Variants in DPP6 observed in about 807,000 individuals in gnomAD.
DPP6 encodes dipeptidyl peptidase like 6.
Under a neutral mutation model 122.6 loss-of-function variants are expected in DPP6, and 69 were observed. The ratio of observed to expected loss-of-function variants is 0.56; its 90% CI spans 0.46 to 0.69. DPP6 has a LOEUF of 0.69. Among genes scored for constraint, DPP6 ranks in the 30% least tolerant of loss-of-function variants. The pLI is 0.00. For synonymous variants in DPP6, 418 were observed against 433.1 expected, an observed-to-expected ratio of 0.97 and a Z score of 0.43; for missense variants, 928 against 1,116.9, an observed-to-expected ratio of 0.83 and a Z score of 2.41.
chr7:154,713,228 C>A (rs1244688599), intron 7 of DPP6, among the ~76,000 whole-genome samples: 1 of 152,232 alleles, frequency 6.6e-6, no homozygotes, highest in African/African-American at 2.4e-5. Flanking sequence ...CAGGGTACAG[C>A]CTACCTCCCA....
chr7:154,374,981 A>G (rs948862518), intron 1 of DPP6, among the ~76,000 whole-genome samples: 3 of 152,166 alleles, frequency 2.0e-5, no homozygotes, highest in African/African-American at 7.2e-5. Context: ...GACACTTTGA[A>G]GGCGCTGTAT....
At chr7:154,878,369 C>T (rs2150663070) in intron 20 of DPP6, among the ~76,000 whole-genome samples, 1 of 152,334 alleles carries the variant, frequency 6.6e-6, no homozygotes, top group East Asian at 1.9e-4. Flanking sequence ...AATGCCAACT[C>T]CTAAACCACC....
At position 154,879,385 on chromosome 7, in the gene DPP6, C is replaced by G. The variant is rs1805158579; in HGVS notation, c.2079-1503C>G. Among the ~76,000 whole-genome samples the G allele has an allele frequency of 7.7e-5, 10 of 129,266 alleles. 1 individual carries two copies. Among genetic ancestry groups the G allele is most frequent in the Middle Eastern group, 4.0e-3 (1 of 250 alleles). The allele number at this position is 129,266 out of a possible 152,430, so 84.8% of individuals were successfully genotyped here. ...CACGAGGTCAGGAGATCGAGACCAT[C>G]CTGGCTAACACGGTGAAACCCCGTC... On this transcript the variant is annotated intron_variant, in intron 20 of 25. Coordinates refer to ENST00000377770, the MANE Select transcript of DPP6 (RefSeq NM_130797.4).
chr7:153,859,263 A>C, the DPP6 span, among the ~76,000 whole-genome samples: 6 of 152,086 alleles, frequency 3.9e-5, no homozygotes, highest in Non-Finnish European at 7.4e-5. Flanking sequence ...GAAGAGGCAC[A>C]CTCATTTCAA....
At chr7:153,958,866 T>TA (rs1371379708) in intron 1 of DPP6, among the ~76,000 whole-genome samples, 3 of 151,642 alleles carry the variant, frequency 2.0e-5, no homozygotes, top group African/African-American at 7.3e-5. Flanking sequence ...ACACAGACAT[T>TA]AAAAAAACCC....
At chr7:153,808,539 T>A in the DPP6 span, among the ~76,000 whole-genome samples, 1 of 152,024 alleles carries the variant, frequency 6.6e-6, no homozygotes, top group African/African-American at 2.4e-5. Context: ...CTGCAGAGCT[T>A]ATTCAGCTTC....
intron 8 of DPP6, among the ~76,000 whole-genome samples, chr7:154,733,897 T>G (rs982541228): frequency 1.3e-5 from 2 of 152,212 alleles, no homozygotes; most frequent in Non-Finnish European, 2.9e-5. Context: ...CATATTGGCT[T>G]TAATTTACAT....
chr7:154,600,802 C>A lies in DPP6; in HGVS notation c.627+33886C>A, dbSNP rs931957896. Reference sequence around the variant, plus strand: ...AAAGTACAGATGGCATTACTTAAAACCACTTGCAGCCAGGCGCAGTGGCTC... The same window carrying A: ...AAAGTACAGATGGCATTACTTAAAAACACTTGCAGCCAGGCGCAGTGGCTC... On this transcript the variant is annotated intron_variant, in intron 5 of 25. Coordinates refer to ENST00000377770, the MANE Select transcript of DPP6 (RefSeq NM_130797.4). 3.3e-5 allele frequency among the ~76,000 whole-genome samples: 4 copies of A among 120,946 alleles called. 2 individuals carry two copies. The highest frequency in any genetic ancestry group is 8.4e-3 in the Middle Eastern group (2 of 238). The allele number at this position is 120,946 out of a possible 152,430, so 79.3% of individuals were successfully genotyped here. A position where few individuals can be genotyped will look rare whatever the true frequency, so the allele number is the denominator to read the frequency against.
Position 154,021,045 on chromosome 7 carries a change from G to A in DPP6, c.51+133311G>A, listed in dbSNP as rs562664287. On this transcript the variant is annotated intron_variant, in intron 1 of 25. Coordinates refer to the DPP6 transcript ENST00000404039. ...CCAGGCAGAGAGGAAGAGAGCTGCC[G>A]GGGAATAGCATCATTCCACCAACGG... is the stretch of plus-strand genomic sequence containing the variant. 9.6e-3 allele frequency among the ~76,000 whole-genome samples: 1,467 copies of A among 152,230 alleles called. 35 individuals carry two copies. Among genetic ancestry groups the A allele is most frequent in the African/African-American group, 0.033 (1,378 of 41,544 alleles).
chr7:154,106,356 T>G (rs540811532), intron 1 of DPP6, among the ~76,000 whole-genome samples: 1 of 118,608 alleles, frequency 8.4e-6, no homozygotes, highest in Non-Finnish European at 1.7e-5. Context: ...AGGCGTTATA[T>G]CCTTGGTGCG....
chr7:154,514,821 C>T (rs1826361737), intron 3 of DPP6, among the ~76,000 whole-genome samples: 1 of 152,116 alleles, frequency 6.6e-6, no homozygotes, highest in Admixed American at 6.5e-5. Context: ...TACTTTTTGG[C>T]CATTGTAAAT....
At chr7:154,749,174 A>C (rs112442208) in intron 8 of DPP6, among the ~76,000 whole-genome samples, 118 of 99,650 alleles carry the variant, frequency 1.2e-3, no homozygotes, top group African/African-American at 4.1e-3. Context: ...AGCATAGGAC[A>C]GGAGGGAGAG....
chr7:154,585,774 T>G (rs1832400319), intron 5 of DPP6, among the ~76,000 whole-genome samples: 1 of 152,222 alleles, frequency 6.6e-6, no homozygotes, highest in South Asian at 2.1e-4. Flanking sequence ...TCCTTTTCTT[T>G]CTTCCCGAAT....
At position 154,889,537 on chromosome 7, in the gene DPP6, T is replaced by C. The variant is rs769703783; in HGVS notation, c.2451+7T>C. On this transcript the variant is annotated splice_region_variant and intron_variant, in intron 25 of 25. Transcript: ENST00000377770. Reference sequence around the variant, plus strand: ...GGCTAATTACAGCTTACAGGTACAGTACGCATGTTACTCTGTTTTGAACCT... The same window carrying C: ...GGCTAATTACAGCTTACAGGTACAGCACGCATGTTACTCTGTTTTGAACCT... 6.2e-7 allele frequency: 1 copy of C among 1,602,928 alleles called. No homozygotes were observed. The highest frequency in any genetic ancestry group is 8.5e-7 in the Non-Finnish European group (1 of 1,174,814).
At chr7:153,957,666 A>G (rs1261637942) in intron 1 of DPP6, among the ~76,000 whole-genome samples, 1 of 152,146 alleles carries the variant, frequency 6.6e-6, no homozygotes, top group Non-Finnish European at 1.5e-5. Context: ...CCTCCAATCC[A>G]GTGGGGTTAT....
chr7:154,640,260 C>CAAA (rs1287474924), intron 6 of DPP6, among the ~76,000 whole-genome samples: 3 of 151,774 alleles, frequency 2.0e-5, no homozygotes, highest in Non-Finnish European at 2.9e-5. Flanking sequence ...CAAACAAAAA[C>CAAA]AAAAACAACA....
intron 5 of DPP6, among the ~76,000 whole-genome samples, chr7:154,630,193 C>A (rs1835321610): frequency 6.6e-6 from 1 of 152,186 alleles, no homozygotes; most frequent in South Asian, 2.1e-4. Context: ...TACTCCAGAG[C>A]TACACCTAGC....
At chr7:154,515,462 A>ACCTT (rs375492094) in intron 3 of DPP6, among the ~76,000 whole-genome samples, 106 of 149,948 alleles carry the variant, frequency 7.1e-4, no homozygotes, top group Admixed American at 1.2e-3. Context: ...GTTCCTTCCT[A>ACCTT]CCTTCCTTCC....
chr7:153,985,316 C>T (rs1323624697), intron 1 of DPP6, among the ~76,000 whole-genome samples: 2 of 152,210 alleles, frequency 1.3e-5, no homozygotes, highest in Non-Finnish European at 2.9e-5. Context: ...TCTTTATCTT[C>T]TGGTCCCCAG....
Sources: gnomAD v4.1 joint callset for allele counts (sites outside exome capture counted in the v4.1 genomes callset) on GRCh38, gnomAD v4.1.1 for gene constraint, MANE v1.5 for transcripts, NCBI Gene and HGNC (gene_info 2026-07-23, HGNC 2026-07-21) for gene names.